CHD1L: variants seen among roughly 807,000 people sequenced by gnomAD.
CHD1L encodes chromodomain helicase DNA binding protein 1 like, also known as ATP-dependent chromatin remodeler CHD1L.
A neutral mutation model predicts 115.9 loss-of-function variants in CHD1L; 118 were observed. The observed-to-expected ratio is 1.02, with a 90% CI of 0.88 to 1.19. The LOEUF is 1.19. CHD1L is among the 50% of genes most tolerant of loss of function. The pLI is 0.00. For synonymous variants in CHD1L, 411 were observed against 387.1 expected, an observed-to-expected ratio of 1.06 and a Z score of -0.72; for missense variants, 1,179 against 1,065.3, an observed-to-expected ratio of 1.11 and a Z score of -1.49.
chr1:147,218,852 C>G, the CHD1L span, among the ~76,000 whole-genome samples: 1 of 152,154 alleles, frequency 6.6e-6, no homozygotes, highest in African/African-American at 2.4e-5. Context: ...AGAGTTACAT[C>G]AAATGTCACT....
chr1:147,238,640 G>A (rs1175683235), upstream of CHD1L, among the ~76,000 whole-genome samples: 1 of 152,132 alleles, frequency 6.6e-6, no homozygotes, highest in Non-Finnish European at 1.5e-5. Context: ...AGAAAACACT[G>A]GACCAGCTTC....
chr1:147,190,890 G>A, the CHD1L span, among the ~76,000 whole-genome samples: 1 of 151,726 alleles, frequency 6.6e-6, no homozygotes, highest in Non-Finnish European at 1.5e-5. Flanking sequence ...GTGTCCATCT[G>A]TTCTGATTGT....
At chr1:147,251,834 A>T (rs1194155152) in intron 1 of CHD1L, among the ~76,000 whole-genome samples, 1 of 152,206 alleles carries the variant, frequency 6.6e-6, no homozygotes, top group Non-Finnish European at 1.5e-5. Context: ...ATTTATGTAA[A>T]GTGTTTACTA....
chr1:147,256,590 TG>T, intron 5 of CHD1L, 28 bp downstream of exon 5: 1 of 1,600,108 alleles, frequency 6.2e-7, no homozygotes, highest in African/African-American at 1.3e-5. Context: ...TTTAAGAACT[TG>T]GGTTGAATGT....
the CHD1L span, chr1:147,215,629 TG>T: frequency 3.1e-6 from 2 of 636,080 alleles, no homozygotes; most frequent in East Asian, 6.0e-5. Context: ...AGTTTTTGCC[TG>T]GGTAGGATAA....
At chr1:147,291,637 C>G in intron 20 of CHD1L, 85 bp downstream of exon 20, 1 of 1,046,162 alleles carries the variant, frequency 9.6e-7, no homozygotes, top group South Asian at 1.3e-5. Context: ...ATTGGCCTCT[C>G]TGCTAGTGTA....
At chr1:147,290,859 G>C (rs587684104) in intron 19 of CHD1L, among the ~76,000 whole-genome samples, 3 of 151,848 alleles carry the variant, frequency 2.0e-5, no homozygotes, top group Admixed American at 6.6e-5. Flanking sequence ...GCGCCTTGTT[G>C]CCCAGGTTAG....
intron 2 of CHD1L, among the ~76,000 whole-genome samples, chr1:147,253,798 C>T (rs1159442979): frequency 6.6e-6 from 1 of 152,176 alleles, no homozygotes; most frequent in Non-Finnish European, 1.5e-5. Context: ...GCACCCAGCC[C>T]ATGGTTGAAA....
At chr1:147,236,519 T>C in the CHD1L span, among the ~76,000 whole-genome samples, 24,932 of 152,076 alleles carry the variant, frequency 0.16, 2,858 homozygotes, top group East Asian at 0.42. Context: ...GAGACCCACA[T>C]TGGATAGTTC....
chr1:147,263,806 C>T (rs1421727958), intron 6 of CHD1L, among the ~76,000 whole-genome samples: 1 of 152,054 alleles, frequency 6.6e-6, no homozygotes, highest in Non-Finnish European at 1.5e-5. Context: ...ATCCAGAAAT[C>T]TTGACATCTT....
intron 14 of CHD1L, among the ~76,000 whole-genome samples, chr1:147,276,546 C>T (rs1243754553): frequency 1.3e-5 from 2 of 152,202 alleles, no homozygotes; most frequent in Non-Finnish European, 2.9e-5. Context: ...GCTCAGAGGG[C>T]TGTTAAGAGA....
chr1:147,286,166 A>C, intron 17 of CHD1L, 132 bp from the exon 18 acceptor site: 1 of 837,440 alleles, frequency 1.2e-6, no homozygotes. Context: ...TAAGTAGAAA[A>C]CTTCAATCAG....
chr1:147,210,547 A>G, the CHD1L span: 1 of 152,224 alleles, frequency 6.6e-6, no homozygotes, highest in Non-Finnish European at 1.5e-5. Flanking sequence ...ATGTACTTCC[A>G]CAGTCACAGT....
chr1:147,236,853 C>T, the CHD1L span, among the ~76,000 whole-genome samples: 1 of 152,228 alleles, frequency 6.6e-6, no homozygotes, highest in Non-Finnish European at 1.5e-5. Context: ...CCAGATAAAA[C>T]ACAAGTTCTC....
chr1:147,178,636 G>A, the CHD1L span: 1 of 1,591,164 alleles, frequency 6.3e-7, no homozygotes. Context: ...CCTAAAAGCA[G>A]CCAGCAACTT....
chr1:147,290,052 TAGAC>T (rs1351533010), intron 19 of CHD1L, among the ~76,000 whole-genome samples: 2 of 151,996 alleles, frequency 1.3e-5, no homozygotes, highest in Non-Finnish European at 2.9e-5. Context: ...ACCTAACCAA[TAGAC>T]AGGGTCTGTA....
At chr1:147,209,922 T>G in the CHD1L span, 1 of 152,226 alleles carries the variant, frequency 6.6e-6, no homozygotes, top group Admixed American at 6.5e-5. Context: ...TTATTGATAT[T>G]AAACTTTCTA....
chr1:147,262,899 A>T (rs1553945205), intron 6 of CHD1L, among the ~76,000 whole-genome samples: 2 of 152,124 alleles, frequency 1.3e-5, no homozygotes, highest in Admixed American at 6.6e-5. Context: ...TTAACACTTT[A>T]ATGGTTTAAT....
At chr1:147,237,193 T>C in the CHD1L span, among the ~76,000 whole-genome samples, 4 of 151,524 alleles carry the variant, frequency 2.6e-5, no homozygotes, top group African/African-American at 9.7e-5. Flanking sequence ...GGGAATGGAG[T>C]GGGTGCTGGG....
Sources: gnomAD v4.1 joint callset for allele counts (sites outside exome capture counted in the v4.1 genomes callset) on GRCh38, gnomAD v4.1.1 for gene constraint, MANE v1.5 for transcripts, NCBI Gene and HGNC (gene_info 2026-07-23, HGNC 2026-07-21) for gene names.